TUBGCP3: variants seen among roughly 807,000 people sequenced by gnomAD.
TUBGCP3 encodes the protein tubulin gamma complex component 3, also known as gamma-tubulin complex component 3.
TUBGCP3 carries 50 observed loss-of-function variants against 123.1 expected under a neutral mutation model. That is an observed-to-expected ratio of 0.41 (90% CI 0.32 to 0.51). The LOEUF is 0.51. Ranked by LOEUF, TUBGCP3 falls within the 20% of genes least tolerant of loss-of-function variation. The pLI is 0.36. For missense variants in TUBGCP3, 882 were observed against 1,127.0 expected (o/e 0.78, Z 3.11); for synonymous variants, 405 against 413.9 (o/e 0.98, Z 0.26).
intron 16 of TUBGCP3, among the ~76,000 whole-genome samples, chr13:112,518,127 G>C (rs957997496): frequency 6.6e-6 from 1 of 152,162 alleles, no homozygotes; most frequent in Non-Finnish European, 1.5e-5. Flanking sequence ...CCATCTCACT[G>C]TAGACAGGAG....
the TUBGCP3 span, among the ~76,000 whole-genome samples, chr13:112,596,679 A>C: frequency 6.6e-6 from 1 of 152,166 alleles, no homozygotes. Context: ...TTTTAGTCCT[A>C]TGCACATTCT....
chr13:112,578,118 G>A (rs1455943300), intron 1 of TUBGCP3, among the ~76,000 whole-genome samples: 2 of 152,104 alleles, frequency 1.3e-5, no homozygotes, highest in Non-Finnish European at 2.9e-5. Flanking sequence ...AGGGCGGAAG[G>A]CTACCCTGAC....
intron 11 of TUBGCP3, among the ~76,000 whole-genome samples, chr13:112,539,410 C>T (rs1016413340): frequency 6.6e-6 from 1 of 152,102 alleles, no homozygotes. Context: ...GGTATATGCC[C>T]ACTGGTATTG....
At chr13:112,579,399 T>G (rs1882109373) in intron 1 of TUBGCP3, among the ~76,000 whole-genome samples, 1 of 145,286 alleles carries the variant, frequency 6.9e-6, no homozygotes, top group Admixed American at 6.8e-5. Flanking sequence ...TCCCTGGGGC[T>G]CTCGCACACT....
intron 8 of TUBGCP3, among the ~76,000 whole-genome samples, chr13:112,551,759 G>C (rs934816425): frequency 6.6e-6 from 1 of 151,956 alleles, no homozygotes; most frequent in African/African-American, 2.4e-5. Context: ...TATGATAATC[G>C]ATAAGGAGAA....
chr13:112,488,938 C>G (rs1879875310), intron 21 of TUBGCP3, among the ~76,000 whole-genome samples: 1 of 135,782 alleles, frequency 7.4e-6, no homozygotes, highest in Non-Finnish European at 1.6e-5. Context: ...GCACAGGGGT[C>G]ACCCCCAGGT....
rs765868377 is a variant in TUBGCP3, at chr13:112,519,076, C to G, written c.1882-33G>C. The G allele has an allele frequency of 4.5e-6, 7 of 1,545,964 alleles. No individual in the cohort carries two copies. Among genetic ancestry groups the G allele is most frequent in the Non-Finnish European group, 5.4e-6 (6 of 1,119,536 alleles). On this transcript the variant is annotated intron_variant, in intron 15 of 21. Transcript: ENST00000261965. This position sits in a 1 kb window ranked among gnomAD's most constrained non-coding sequence, Gnocchi z 6.2. The stretch of plus-strand genomic sequence containing the variant: ...CAGAAACAAACACATAATTGCAAGA[C>G]CTTAAGCTTCTTGCTGAAGAACTTG...
upstream of TUBGCP3, among the ~76,000 whole-genome samples, chr13:112,590,054 G>A (rs886673649): frequency 2.6e-5 from 4 of 150,958 alleles, no homozygotes; most frequent in Admixed American, 6.6e-5. Context: ...GTGCAATGGC[G>A]TGAACTCCAC....
chr13:112,502,542 C>CTTTTTTTTTT (rs10710530), intron 19 of TUBGCP3, among the ~76,000 whole-genome samples: 4 of 114,366 alleles, frequency 3.5e-5, no homozygotes, highest in Admixed American at 9.2e-5. Flanking sequence ...TACATTTCTT[C>CTTTTTTTTTT]TTTTTTTTTT....
In TUBGCP3 at chr13:112,518,962, A is replaced by C. The variant is rs1371340772; in HGVS notation, c.1950+13T>G. The stretch of plus-strand genomic sequence containing the variant: ...AGTTGTAAATACTATAAAATGATGC[A>C]GGATAATCTTACAGTTGCAATTGGT... On this transcript the variant is annotated intron_variant, in intron 16 of 21. Transcript: ENST00000261965. The C allele has an allele frequency of 1.2e-6, 2 of 1,607,124 alleles. No homozygotes were observed. The highest frequency in any genetic ancestry group is 1.7e-6 in the Non-Finnish European group (2 of 1,173,752).
At chr13:112,529,722 T>C (rs958991391) in intron 11 of TUBGCP3, among the ~76,000 whole-genome samples, 2 of 152,196 alleles carry the variant, frequency 1.3e-5, no homozygotes, top group Admixed American at 1.3e-4. Flanking sequence ...ACCGGGACCA[T>C]GACCTCAGCA....
the TUBGCP3 span, among the ~76,000 whole-genome samples, chr13:112,601,058 T>C: frequency 2.0e-5 from 3 of 151,678 alleles, no homozygotes; most frequent in African/African-American, 4.8e-5. Context: ...CGCAGTAGCG[T>C]TTGCCTGTAA....
chr13:112,499,426 C>G (rs996911053), intron 19 of TUBGCP3, among the ~76,000 whole-genome samples: 1 of 152,194 alleles, frequency 6.6e-6, no homozygotes, highest in Non-Finnish European at 1.5e-5. Flanking sequence ...CAAGAGCAAT[C>G]GTGACTGCCC....
chr13:112,563,792 G>A (rs562545309), intron 3 of TUBGCP3, among the ~76,000 whole-genome samples: 10 of 151,702 alleles, frequency 6.6e-5, no homozygotes, highest in East Asian at 3.9e-4. Context: ...GGAGAATGGC[G>A]TGAACCCAGA....
At chr13:112,506,620 A>T (rs1030225031) in intron 17 of TUBGCP3, among the ~76,000 whole-genome samples, 1 of 152,198 alleles carries the variant, frequency 6.6e-6, no homozygotes, top group Admixed American at 6.5e-5. Context: ...TGCCATTAGG[A>T]ATCTACAACA....
At chr13:112,488,198 G>A (rs541957882) in intron 21 of TUBGCP3, among the ~76,000 whole-genome samples, 10 of 150,838 alleles carry the variant, frequency 6.6e-5, no homozygotes, top group African/African-American at 2.2e-4. Flanking sequence ...GAAAGAGCGA[G>A]TGCGGTCTCA....
At chr13:112,493,904 T>C (rs1428172580) in intron 20 of TUBGCP3, among the ~76,000 whole-genome samples, 1 of 150,472 alleles carries the variant, frequency 6.6e-6, no homozygotes, top group Non-Finnish European at 1.5e-5. Flanking sequence ...GGGCCTGGTG[T>C]CCCTGAGACG....
intron 1 of TUBGCP3, among the ~76,000 whole-genome samples, chr13:112,579,740 CG>C (rs1566594160): frequency 7.9e-5 from 12 of 152,230 alleles, no homozygotes. Flanking sequence ...GCTGGTGCAG[CG>C]GCAAAGCAGC....
the TUBGCP3 span, among the ~76,000 whole-genome samples, chr13:112,598,757 A>C: frequency 6.6e-6 from 1 of 152,120 alleles, no homozygotes; most frequent in South Asian, 2.1e-4. Flanking sequence ...ATCCTGGCTA[A>C]CATGGTGAAA....
Sources: allele counts gnomAD v4.1 joint callset (sites outside exome capture counted in the v4.1 genomes callset), GRCh38; gene constraint gnomAD v4.1.1; non-coding constraint Gnocchi (gnomAD v3.1); transcripts MANE v1.5; gene names NCBI Gene and HGNC (gene_info 2026-07-23, HGNC 2026-07-21).